The following RIGI variants were observed in gnomAD, a reference collection of about 807,000 sequenced individuals.
The protein encoded by RIGI is antiviral innate immune response receptor RIG-I.
At chr9:32,512,935 CAG>C in the RIGI span, among the ~76,000 whole-genome samples, 2 of 152,000 alleles carry the variant, frequency 1.3e-5, no homozygotes, top group African/African-American at 4.8e-5. Flanking sequence ...AACAGACAAA[CAG>C]AGAGCCAAAT....
At chr9:32,488,186 A>G in the RIGI span, 3 of 1,613,934 alleles carry the variant, frequency 1.9e-6, no homozygotes, top group Non-Finnish European at 2.5e-6. Flanking sequence ...TGCTCCAGAA[A>G]TGCCTGTAAC....
chr9:32,460,955 C>T, the RIGI span, among the ~76,000 whole-genome samples: 118 of 151,524 alleles, frequency 7.8e-4, no homozygotes, highest in Non-Finnish European at 1.4e-3. Context: ...GAACAAGCTC[C>T]AAACAGGATA....
the RIGI span, chr9:32,477,025 C>T: frequency 6.2e-7 from 1 of 1,614,158 alleles, no homozygotes; most frequent in Non-Finnish European, 8.5e-7. Flanking sequence ...TTGTTATTGT[C>T]TCTGGGTTTA....
At chr9:32,523,255 T>G in the RIGI span, among the ~76,000 whole-genome samples, 1 of 152,162 alleles carries the variant, frequency 6.6e-6, no homozygotes. Flanking sequence ...GAATCCCTGG[T>G]GTTTCAGTAA....
the RIGI span, chr9:32,488,787 G>A: frequency 3.1e-6 from 5 of 1,613,078 alleles, no homozygotes; most frequent in Non-Finnish European, 4.2e-6. Flanking sequence ...CATACACTGG[G>A]ATCTGATTCG....
the RIGI span, chr9:32,526,084 T>G: frequency 3.7e-6 from 6 of 1,613,660 alleles, no homozygotes; most frequent in Non-Finnish European, 4.2e-6. Context: ...GGGGGCCATG[T>G]AGCTCAGGAT....
chr9:32,487,646 T>A, the RIGI span: 1 of 1,609,536 alleles, frequency 6.2e-7, no homozygotes, highest in Non-Finnish European at 8.5e-7. Flanking sequence ...GTAAGGAGCA[T>A]TCAAAATCAT....
chr9:32,514,303 C>T, the RIGI span, among the ~76,000 whole-genome samples: 85,176 of 151,968 alleles, frequency 0.56, 24,394 homozygotes, highest in Middle Eastern at 0.68. Flanking sequence ...TTGTTCACAA[C>T]AGCAAAGACT....
chr9:32,479,179 A>G, the RIGI span, among the ~76,000 whole-genome samples: 2 of 152,214 alleles, frequency 1.3e-5, no homozygotes, highest in Non-Finnish European at 2.9e-5. Flanking sequence ...AACCACCAAA[A>G]GCATTCTATG....
chr9:32,480,382 T>C, the RIGI span: 1 of 1,562,680 alleles, frequency 6.4e-7, no homozygotes, highest in African/African-American at 1.3e-5. Context: ...TGTCTCAATA[T>C]GCTTCCAATG....
the RIGI span, among the ~76,000 whole-genome samples, chr9:32,523,819 T>G: frequency 2.1e-4 from 32 of 151,988 alleles, no homozygotes; most frequent in Non-Finnish European, 2.9e-5. Context: ...TTATCACATT[T>G]CAGTGGATAA....
chr9:32,523,241 G>T, the RIGI span, among the ~76,000 whole-genome samples: 1 of 152,094 alleles, frequency 6.6e-6, no homozygotes, highest in African/African-American at 2.4e-5. Context: ...AAAGAACCTA[G>T]GCTGAATCCC....
At chr9:32,467,661 C>G in the RIGI span, 1 of 1,244,126 alleles carries the variant, frequency 8.0e-7, no homozygotes, top group Non-Finnish European at 1.1e-6. Context: ...TGGTCACATA[C>G]TCAACCATGG....
chr9:32,461,008 TATG>T, the RIGI span, among the ~76,000 whole-genome samples: 1 of 149,520 alleles, frequency 6.7e-6, no homozygotes, highest in African/African-American at 2.5e-5. Context: ...TAATTAAATT[TATG>T]AAAACTGAAG....
the RIGI span, chr9:32,487,724 C>T: frequency 4.7e-6 from 7 of 1,479,634 alleles, no homozygotes; most frequent in South Asian, 1.3e-5. Flanking sequence ...TGGGGTAGGG[C>T]GTTTTTTTGT....
chr9:32,480,903 T>C, the RIGI span, among the ~76,000 whole-genome samples: 1 of 152,240 alleles, frequency 6.6e-6, no homozygotes, highest in Non-Finnish European at 1.5e-5. Context: ...CCTTAACTTC[T>C]TGGTGAGCCA....
the RIGI span, chr9:32,501,037 A>C: frequency 7.1e-7 from 1 of 1,415,732 alleles, no homozygotes; most frequent in Non-Finnish European, 9.7e-7. Flanking sequence ...AAATAGGGAC[A>C]GGAATTGTAC....
the RIGI span, chr9:32,489,525 G>A: frequency 4.8e-6 from 4 of 839,174 alleles, no homozygotes; most frequent in African/African-American, 1.7e-5. Context: ...ACAGTCTAAT[G>A]TCCACAAATT....
At chr9:32,526,092 G>A in the RIGI span, 1 of 1,613,820 alleles carries the variant, frequency 6.2e-7, no homozygotes, top group Non-Finnish European at 8.5e-7. Context: ...TGTAGCTCAG[G>A]ATGTAGGTAG....
Sources: gnomAD v4.1 joint callset for allele counts (sites outside exome capture counted in the v4.1 genomes callset) on GRCh38, gnomAD v4.1.1 for gene constraint, MANE v1.5 for transcripts, NCBI Gene and HGNC (gene_info 2026-07-23, HGNC 2026-07-21) for gene names.